Variants in GALNT18 observed in about 807,000 individuals in gnomAD.
The protein encoded by GALNT18 is GalNAc-transferase 18.
A neutral mutation model predicts 69.5 loss-of-function variants in GALNT18; 44 were observed. The ratio of observed to expected loss-of-function variants is 0.63; its 90% CI spans 0.50 to 0.81. GALNT18 has a LOEUF of 0.81. Ranked by LOEUF, GALNT18 falls within the 40% of genes least tolerant of loss-of-function variation. GALNT18 has a pLI of 0.00. For synonymous variants in GALNT18, 364 were observed against 318.2 expected (o/e 1.14, Z -1.53); for missense variants, 715 against 810.0 (o/e 0.88, Z 1.42).
At chr11:11,271,366 G>T in intron 10 of GALNT18, 76 bp from the exon 11 acceptor site, 1 of 1,442,754 alleles carries the variant, frequency 6.9e-7, no homozygotes, top group South Asian at 1.2e-5. Context: ...CAGGCCAAGT[G>T]GCTGGTGAGG....
rs556266668 is a variant in GALNT18 at position 11,308,460 on chromosome 11, CCTT to C, written c.1513-15270_1513-15268del. Reference sequence around the variant, plus strand: ...TCCCTTCCTTGCCCTCCCTCCTAAGCCTTCTCTTGAGCCTTCTGAAGCCTCTTA... The same window carrying C: ...TCCCTTCCTTGCCCTCCCTCCTAAGCCTCTTGAGCCTTCTGAAGCCTCTTA... On this transcript the variant is annotated intron_variant, in intron 9 of 10. Transcript: ENST00000227756. Among the ~76,000 whole-genome samples, 41 of 152,250 alleles carry C rather than the reference CCTT, an allele frequency of 2.7e-4. 1 individual carries two copies. The highest frequency in any genetic ancestry group is 9.9e-4 in the African/African-American group (41 of 41,518).
intron 1 of GALNT18, among the ~76,000 whole-genome samples, chr11:11,457,075 C>CT (rs1855940629): frequency 6.6e-6 from 1 of 152,216 alleles, no homozygotes; most frequent in South Asian, 2.1e-4. Flanking sequence ...CCTGCCAAGG[C>CT]TTTTGAGGCT....
rs1279400909 is a variant in GALNT18, at chr11:11,421,140, G to C, written c.595+11481C>G. 6.6e-6 allele frequency among the ~76,000 whole-genome samples: 1 copy of C among 152,126 alleles called. No individual in the cohort carries two copies. The highest frequency in any genetic ancestry group is 2.4e-5 in the African/African-American group (1 of 41,424). ...TCTCTAAGACAGTTTCCTGTATCGA[G>C]TAAAGGGGACAAGAGGAGTGATGAG... On this transcript the variant is annotated intron_variant, in intron 3 of 10. Coordinates refer to ENST00000227756, the MANE Select transcript of GALNT18 (RefSeq NM_198516.3). This position sits in a 1 kb window ranked among gnomAD's most constrained non-coding sequence, Gnocchi z 5.6.
rs780816869 is a variant in GALNT18 at position 11,293,124 on chromosome 11, TGTC to T, written c.1579_1581del (p.Asp527del). ...CTGTTGACGTCCACCAGGCATCGGT[TGTC>T]ATCATCATCCACGGTGGGGCTCAGA... On this transcript the variant is annotated inframe_deletion, in exon 10 of 11. Coordinates refer to ENST00000227756, the MANE Select transcript of GALNT18 (RefSeq NM_198516.3). The T allele has an allele frequency of 2.2e-6, 3 of 1,371,602 alleles. No individual in the cohort carries two copies. The highest frequency in any genetic ancestry group is 5.6e-5 in the East Asian group (2 of 36,032). 85.0% of individuals were successfully genotyped at this position (1,371,602 alleles called of 1,614,324 possible). A position where few individuals can be genotyped will look rare whatever the true frequency, so the allele number is the denominator to read the frequency against.
At chr11:11,456,022 G>A (rs1203568450) in intron 1 of GALNT18, among the ~76,000 whole-genome samples, 3 of 152,182 alleles carry the variant, frequency 2.0e-5, no homozygotes, top group East Asian at 1.9e-4. Context: ...CCAGGAGGTC[G>A]AGGCTGCAGT....
In GALNT18 at chr11:11,435,793, T is replaced by TC. The variant is rs1252261809; in HGVS notation, c.429-3007dup. Among the ~76,000 whole-genome samples, 1 of 152,236 alleles carries TC rather than the reference T, an allele frequency of 6.6e-6. No homozygotes were observed. Among genetic ancestry groups the TC allele is most frequent in the Non-Finnish European group, 1.5e-5 (1 of 68,006 alleles). On this transcript the variant is annotated intron_variant, in intron 2 of 10. Transcript: ENST00000227756. This position sits in a 1 kb window ranked among gnomAD's most constrained non-coding sequence, Gnocchi z 4.4. ...TGGAAGGAGAGTCAGGTCCCGGTCC[T>TC]CCCGCCGACCAGCAGGCTCCTGTTC...
chr11:11,482,870 A>G (rs888787444), intron 1 of GALNT18, among the ~76,000 whole-genome samples: 1 of 152,174 alleles, frequency 6.6e-6, no homozygotes, highest in Non-Finnish European at 1.5e-5. Context: ...CCCTTGCTCT[A>G]CAAAGTGTGT....
intron 1 of GALNT18, among the ~76,000 whole-genome samples, chr11:11,574,165 A>C (rs143187609): frequency 8.9e-4 from 135 of 152,322 alleles, no homozygotes; most frequent in Non-Finnish European, 1.5e-3. Context: ...CTATCAGTAC[A>C]TGAGTGATAG....
rs958876450 is a variant in GALNT18 at position 11,542,048 on chromosome 11, G to A, written c.235+79311C>T. 6.6e-6 allele frequency among the ~76,000 whole-genome samples: 1 copy of A among 152,164 alleles called. No individual in the cohort carries two copies. Among genetic ancestry groups the A allele is most frequent in the African/African-American group, 2.4e-5 (1 of 41,438 alleles). Reference sequence around the variant, plus strand: ...AAGGAGCCAACCAACCACGATGTTGGATTGCTGGGAACGCAGAGGGAAACT... The same window carrying A: ...AAGGAGCCAACCAACCACGATGTTGAATTGCTGGGAACGCAGAGGGAAACT... On this transcript the variant is annotated intron_variant, in intron 1 of 10. Transcript: ENST00000227756. This position sits in a 1 kb window ranked among gnomAD's most constrained non-coding sequence, Gnocchi z 4.3.
chr11:11,555,355 C>T lies in GALNT18; in HGVS notation c.235+66004G>A, dbSNP rs1168769346. Among the ~76,000 whole-genome samples, 1 of 152,216 alleles carries T rather than the reference C, an allele frequency of 6.6e-6. No homozygotes were observed. Among genetic ancestry groups the T allele is most frequent in the Non-Finnish European group, 1.5e-5 (1 of 68,046 alleles). ...AAACGTTTGCCAGAAACAGGCTTCT[C>T]ATCTTCCCCAACCCCAGCTTAATCC... On this transcript the variant is annotated intron_variant, in intron 1 of 10. Transcript: ENST00000227756. The surrounding 1 kb of genome is among the most constrained non-coding windows in gnomAD (Gnocchi z 4.7).
chr11:11,440,832 G>A (rs1301876494), intron 2 of GALNT18, among the ~76,000 whole-genome samples: 1 of 152,210 alleles, frequency 6.6e-6, no homozygotes, highest in East Asian at 1.9e-4. Context: ...TGGCCCATGA[G>A]CTCTACAAAC....
intron 3 of GALNT18, among the ~76,000 whole-genome samples, chr11:11,403,700 G>A (rs905784670): frequency 6.6e-6 from 1 of 152,198 alleles, no homozygotes; most frequent in South Asian, 2.1e-4. Flanking sequence ...ACCACCTGGG[G>A]AGGACAGGTT....
rs1389117425 is a variant in GALNT18, at chr11:11,605,216, C to A, written c.235+16143G>T. 2.0e-5 allele frequency among the ~76,000 whole-genome samples: 3 copies of A among 152,174 alleles called. No homozygotes were observed. Among genetic ancestry groups the A allele is most frequent in the Non-Finnish European group, 4.4e-5 (3 of 68,038 alleles). On this transcript the variant is annotated intron_variant, in intron 1 of 10. Coordinates refer to ENST00000227756, the MANE Select transcript of GALNT18 (RefSeq NM_198516.3). This position sits in a 1 kb window ranked among gnomAD's most constrained non-coding sequence, Gnocchi z 4.7. Reference sequence around the variant, plus strand: ...GGGTCTGTGGTGCCAAACTCAGACCCACACTCATGGGTGGGTGATTCCCCA... The same window carrying A: ...GGGTCTGTGGTGCCAAACTCAGACCAACACTCATGGGTGGGTGATTCCCCA...
At chr11:11,418,024 C>T (rs771725360) in intron 3 of GALNT18, among the ~76,000 whole-genome samples, 5 of 152,192 alleles carry the variant, frequency 3.3e-5, no homozygotes, top group African/African-American at 9.7e-5. Context: ...TATATACCTG[C>T]GAGGAAGACA....
At chr11:11,285,108 G>GGT (rs1849168268) in intron 10 of GALNT18, among the ~76,000 whole-genome samples, 1 of 151,826 alleles carries the variant, frequency 6.6e-6, no homozygotes, top group Non-Finnish European at 1.5e-5. Context: ...TTGCTGAGGA[G>GGT]GTAGGGATCC....
chr11:11,553,151 C>T (rs962624076), intron 1 of GALNT18, among the ~76,000 whole-genome samples: 4 of 152,184 alleles, frequency 2.6e-5, no homozygotes, highest in African/African-American at 9.7e-5. Flanking sequence ...TGTGGGAAAG[C>T]AAGCCCTCCA....
At position 11,293,191 on chromosome 11, in the gene GALNT18, G is replaced by A. The variant is rs551200358; in HGVS notation, c.1515C>T (p.Asn505=). The change falls in exon 10 of 11, where the codon AAC becomes AAT. Residue 505 remains asparagine, a splice_region_variant and synonymous_variant. Transcript: ENST00000227756. ...MYICHGMTPQ[N]VYYTSSQQIH... The stretch of plus-strand genomic sequence containing the variant: ...TCTGCTGACTGCTCGTGTAGTACAC[G>A]TTCTGGGGGCGGAGGGAGGGAGAGA... The A allele has an allele frequency of 5.8e-5, 77 of 1,322,900 alleles. No individual in the cohort carries two copies. Among genetic ancestry groups the A allele is most frequent in the African/African-American group, 1.8e-4 (12 of 66,554 alleles). The allele number at this position is 1,322,900 out of a possible 1,614,324, so 81.9% of individuals were successfully genotyped here.
intron 1 of GALNT18, among the ~76,000 whole-genome samples, chr11:11,521,111 G>A (rs1449036591): frequency 6.6e-6 from 1 of 151,492 alleles, no homozygotes; most frequent in Non-Finnish European, 1.5e-5. Flanking sequence ...GAAAGCTTTA[G>A]GAATCTCGTA....
At chr11:11,481,881 AG>A (rs1192061985) in intron 1 of GALNT18, among the ~76,000 whole-genome samples, 3 of 152,230 alleles carry the variant, frequency 2.0e-5, no homozygotes, top group Non-Finnish European at 2.9e-5. Context: ...GCTCAGTGTC[AG>A]GCCCCATAGT....
Sources: allele counts gnomAD v4.1 joint callset (sites outside exome capture counted in the v4.1 genomes callset), GRCh38; gene constraint gnomAD v4.1.1; non-coding constraint Gnocchi (gnomAD v3.1); transcripts MANE v1.5; gene names NCBI Gene and HGNC (gene_info 2026-07-23, HGNC 2026-07-21).